Variants in ABCA13 observed in about 807,000 individuals in gnomAD.
The protein encoded by ABCA13 is ATP-binding cassette sub-family A member 13.
A neutral mutation model predicts 478.7 loss-of-function variants in ABCA13; 476 were observed. The ratio of observed to expected loss-of-function variants is 0.99; its 90% CI spans 0.92 to 1.07. ABCA13 has a LOEUF of 1.07. Among genes scored for constraint, ABCA13 ranks in the 50% least tolerant of loss-of-function variants. The pLI, the probability that ABCA13 is intolerant of heterozygous loss-of-function variation, is 0.00. For missense variants in ABCA13, 6,060 were observed against 5,910.6 expected, an observed-to-expected ratio of 1.03 and a Z score of -0.83; for synonymous variants, 2,252 against 2,158.9, an observed-to-expected ratio of 1.04 and a Z score of -1.20.
intron 23 of ABCA13, among the ~76,000 whole-genome samples, chr7:48,304,058 A>C (rs1052390778): frequency 6.6e-6 from 1 of 152,208 alleles, no homozygotes; most frequent in African/African-American, 2.4e-5. Flanking sequence ...CATGGTTTCC[A>C]GCAATTTTCT....
chr7:48,231,775 C>T (rs1789126080), intron 7 of ABCA13, among the ~76,000 whole-genome samples: 2 of 152,106 alleles, frequency 1.3e-5, no homozygotes, highest in Admixed American at 1.3e-4. Flanking sequence ...AATTCTCCTG[C>T]CTCAGCCAAC....
At chr7:48,324,283 CTG>C (rs1049109014) in intron 27 of ABCA13, among the ~76,000 whole-genome samples, 8 of 152,290 alleles carry the variant, frequency 5.3e-5, no homozygotes, top group Non-Finnish European at 7.4e-5. Context: ...AGTTGTCCCT[CTG>C]TGTGTGTGTC....
intron 16 of ABCA13, 36 bp downstream of exon 16, chr7:48,269,130 T>C (rs771719380): frequency 4.2e-6 from 5 of 1,176,736 alleles, no homozygotes; most frequent in Non-Finnish European, 6.3e-6. Context: ...GGTCTTGATT[T>C]AATTATCATC....
intron 48 of ABCA13, among the ~76,000 whole-genome samples, chr7:48,491,976 G>A (rs1367484060): frequency 6.6e-6 from 1 of 152,132 alleles, no homozygotes; most frequent in East Asian, 1.9e-4. Context: ...GTGAATGAAC[G>A]GATCATTATA....
intron 3 of ABCA13, among the ~76,000 whole-genome samples, chr7:48,211,072 C>T (rs1785582039): frequency 6.6e-6 from 1 of 152,134 alleles, no homozygotes; most frequent in African/African-American, 2.4e-5. Flanking sequence ...ATTTCGCTGT[C>T]TGAGAGGTCA....
intron 53 of ABCA13, among the ~76,000 whole-genome samples, chr7:48,521,210 C>A (rs546763703): frequency 3.9e-5 from 6 of 152,280 alleles, no homozygotes; most frequent in East Asian, 1.9e-4. Context: ...GCTTCCCCCC[C>A]ATACCCAAGT....
chr7:48,412,548 A>G lies in ABCA13; in HGVS notation c.12424A>G (p.Thr4142Ala). Residue 4142 changes from threonine (T) to alanine (A), a missense_variant, in exon 41 of 62, where the codon ACG becomes GCG. Thr to Ala is a moderately conservative substitution (Grantham distance 58). This residue lies in a region of ABCA13 where 1,627 missense variants were observed against 1,571.0 expected (regional missense o/e 1.04). Coordinates refer to ENST00000435803, the MANE Select transcript of ABCA13 (RefSeq NM_152701.5). ...LDENLHQLHLTGYGISDTTLE... is the reference protein window; with the variant it reads ...LDENLHQLHLAGYGISDTTLE... ...TGAGAACCTGCATCAGCTGCACCTG[A>G]CGGGCTATGGGATCTCAGACACCAC... 6 of 1,612,714 alleles carry G rather than the reference A, an allele frequency of 3.7e-6. No homozygotes were observed. Among genetic ancestry groups the G allele is most frequent in the Non-Finnish European group, 5.1e-6 (6 of 1,179,454 alleles).
chr7:48,347,014 C>A (rs1055860610), intron 29 of ABCA13, among the ~76,000 whole-genome samples: 1 of 152,158 alleles, frequency 6.6e-6, no homozygotes, highest in Admixed American at 6.5e-5. Context: ...AGTTTAGCCT[C>A]ATACCCACAC....
intron 5 of ABCA13, among the ~76,000 whole-genome samples, chr7:48,226,463 C>CT (rs1788223669): frequency 6.6e-6 from 1 of 152,124 alleles, no homozygotes; most frequent in South Asian, 2.1e-4. Context: ...GAGAATGCTT[C>CT]TTTTTCTGTT....
chr7:48,421,614 C>G (rs1820752220), intron 41 of ABCA13, among the ~76,000 whole-genome samples: 1 of 152,160 alleles, frequency 6.6e-6, no homozygotes, highest in Non-Finnish European at 1.5e-5. Context: ...TCTAGGATTG[C>G]CATTCTTTCC....
rs138010956 is a variant in ABCA13 at position 48,235,409 on chromosome 7, A to G, written c.897+1258A>G. Reference sequence around the variant, plus strand: ...TAAAACTTTTACCTTAGAATGTTCAATATATTGAGATTAGAATTAAAAGGA... The same window carrying G: ...TAAAACTTTTACCTTAGAATGTTCAGTATATTGAGATTAGAATTAAAAGGA... On this transcript the variant is annotated intron_variant, in intron 8 of 61. Coordinates refer to ENST00000435803, the MANE Select transcript of ABCA13 (RefSeq NM_152701.5). 6.7e-4 allele frequency among the ~76,000 whole-genome samples: 102 copies of G among 152,324 alleles called. 2 individuals are homozygous for G. In the East Asian group the frequency reaches 0.011, roughly 16 times the overall value.
intron 14 of ABCA13, 43 bp from the exon 15 acceptor site, chr7:48,249,169 C>T: frequency 4.5e-6 from 7 of 1,552,798 alleles, no homozygotes; most frequent in Non-Finnish European, 6.1e-6. Context: ...TCTGCAAGAT[C>T]ATTTTTAAAT....
intron 45 of ABCA13, among the ~76,000 whole-genome samples, chr7:48,475,328 A>T (rs1236853538): frequency 6.6e-6 from 1 of 152,156 alleles, no homozygotes; most frequent in Non-Finnish European, 1.5e-5. Flanking sequence ...ACCCAAGGCC[A>T]GTTCTCTGGT....
chr7:48,513,221 C>T (rs575097952), intron 51 of ABCA13, among the ~76,000 whole-genome samples: 5 of 152,134 alleles, frequency 3.3e-5, no homozygotes, highest in South Asian at 2.1e-4. Context: ...AGCTGAATCC[C>T]GAGCTGAAAC....
At chr7:48,195,442 G>A (rs2128905117) in intron 2 of ABCA13, among the ~76,000 whole-genome samples, 1 of 152,274 alleles carries the variant, frequency 6.6e-6, no homozygotes, top group African/African-American at 2.4e-5. Context: ...GAAAAGGGCA[G>A]ATTCAACAGA....
At chr7:48,332,148 G>A (rs1180088326) in intron 27 of ABCA13, among the ~76,000 whole-genome samples, 3 of 152,130 alleles carry the variant, frequency 2.0e-5, no homozygotes, top group Admixed American at 1.3e-4. Context: ...TTTACACATT[G>A]TGGGACATCT....
intron 59 of ABCA13, among the ~76,000 whole-genome samples, chr7:48,642,853 G>T (rs1205737740): frequency 6.6e-6 from 1 of 152,130 alleles, no homozygotes; most frequent in Non-Finnish European, 1.5e-5. Context: ...ACAAACAAGT[G>T]CCTGGTAATT....
chr7:48,448,215 C>T (rs1824539077), intron 42 of ABCA13, among the ~76,000 whole-genome samples: 1 of 152,126 alleles, frequency 6.6e-6, no homozygotes, highest in South Asian at 2.1e-4. Flanking sequence ...TTATCTCTCG[C>T]CCTAACCATC....
intron 48 of ABCA13, among the ~76,000 whole-genome samples, chr7:48,490,357 A>G (rs1277862432): frequency 1.3e-5 from 2 of 152,232 alleles, no homozygotes; most frequent in Non-Finnish European, 2.9e-5. Flanking sequence ...ATTTTGTAAG[A>G]TAGACAATAT....
Sources: gnomAD v4.1 joint callset for allele counts (sites outside exome capture counted in the v4.1 genomes callset) on GRCh38, gnomAD v4.1.1 for gene constraint, gnomAD v4.1.1 regional missense constraint, MANE v1.5 for transcripts, NCBI Gene and HGNC (gene_info 2026-07-23, HGNC 2026-07-21) for gene names.